FNDC3A: variants seen among roughly 807,000 people sequenced by gnomAD.
FNDC3A encodes fibronectin type-III domain-containing protein 3A.
In FNDC3A, 32 loss-of-function variants were observed where a neutral mutation model predicts 148.9. The observed-to-expected ratio is 0.21, with a 90% CI of 0.16 to 0.29. The LOEUF (loss-of-function observed/expected upper bound fraction) is 0.29, where lower values mean the gene tolerates loss of function less well. Among genes scored for constraint, FNDC3A ranks in the 10% least tolerant of loss-of-function variants. The pLI is 1.00. For synonymous variants in FNDC3A, 472 were observed against 473.6 expected, an observed-to-expected ratio of 1.00 and a Z score of 0.04; for missense variants, 1,191 against 1,452.8, an observed-to-expected ratio of 0.82 and a Z score of 2.93.
intron 3 of FNDC3A, among the ~76,000 whole-genome samples, chr13:49,082,840 T>C (rs1265927907): frequency 6.6e-6 from 1 of 152,038 alleles, no homozygotes; most frequent in East Asian, 1.9e-4. Flanking sequence ...AGGTATGTAG[T>C]GTGGCATGTA....
At chr13:49,175,215 A>G (rs1308170547) in intron 12 of FNDC3A, 152 bp from the exon 13 acceptor site, 2 of 504,430 alleles carry the variant, frequency 4.0e-6, no homozygotes, top group Non-Finnish European at 6.8e-6. Context: ...TGACCTGGTT[A>G]TCATAAAGAG....
chr13:49,062,441 T>G (rs1479656489), intron 2 of FNDC3A, among the ~76,000 whole-genome samples: 1 of 152,218 alleles, frequency 6.6e-6, no homozygotes, highest in African/African-American at 2.4e-5. Context: ...ATTCAGCCCC[T>G]GTTTATCTTT....
chr13:49,185,485 G>A (rs970410607), intron 14 of FNDC3A, among the ~76,000 whole-genome samples: 2 of 152,158 alleles, frequency 1.3e-5, no homozygotes, highest in Admixed American at 1.3e-4. Context: ...CCATAGGGAA[G>A]TTACACACAC....
intron 25 of FNDC3A, 42 bp downstream of exon 25, chr13:49,203,326 C>A: frequency 6.8e-7 from 1 of 1,469,104 alleles, no homozygotes; most frequent in Non-Finnish European, 9.3e-7. Flanking sequence ...TATTTTTACC[C>A]TTTTTTAATT....
rs1886253040 is a variant in FNDC3A, at chr13:49,198,268, A to G, written c.2774+3A>G. ...TTGCAACCAGATACAACATACAGGT[A>G]TACTCTAAAAATTATGTTGATTTTT... is the stretch of plus-strand genomic sequence containing the variant. On this transcript the variant is annotated splice_donor_region_variant and intron_variant, in intron 22 of 25. Transcript: ENST00000492622. The G allele has an allele frequency of 2.5e-6, 4 of 1,612,036 alleles. No individual in the cohort carries two copies. The highest frequency in any genetic ancestry group is 3.4e-6 in the Non-Finnish European group (4 of 1,178,906).
intron 3 of FNDC3A, 45 bp from the exon 4 acceptor site, chr13:49,114,610 G>T: frequency 7.7e-7 from 1 of 1,305,726 alleles, no homozygotes; most frequent in Non-Finnish European, 1.1e-6. Context: ...ACTTTAGCCT[G>T]ATAAGCAATC....
At chr13:49,073,718 T>C (rs1247979967) in intron 2 of FNDC3A, among the ~76,000 whole-genome samples, 1 of 146,658 alleles carries the variant, frequency 6.8e-6, no homozygotes, top group Admixed American at 6.9e-5. Context: ...TATATGTGTA[T>C]ATATAATATA....
chr13:49,146,156 C>CTT, intron 8 of FNDC3A: 1 of 446,342 alleles, frequency 2.2e-6, no homozygotes, highest in Non-Finnish European at 4.0e-6. Context: ...CCACATTCAG[C>CTT]TTTTTTTTTC....
intron 2 of FNDC3A, among the ~76,000 whole-genome samples, chr13:49,047,785 T>A (rs1365872054): frequency 6.6e-6 from 1 of 152,234 alleles, no homozygotes; most frequent in Non-Finnish European, 1.5e-5. Context: ...GTGCTGAAAC[T>A]TTTTAGTTTA....
chr13:49,196,824 A>T, intron 19 of FNDC3A, 53 bp from the exon 20 acceptor site: 1 of 891,366 alleles, frequency 1.1e-6, no homozygotes, highest in South Asian at 1.5e-5. Context: ...CTGTGCAATC[A>T]GTGGACATTT....
chr13:49,204,302 C>T (rs1886549060), intron 25 of FNDC3A, among the ~76,000 whole-genome samples: 2 of 152,128 alleles, frequency 1.3e-5, no homozygotes, highest in Non-Finnish European at 2.9e-5. Flanking sequence ...AATTAAATAC[C>T]TATACATTTC....
At chr13:48,981,780 T>G (rs1440066510) in intron 1 of FNDC3A, among the ~76,000 whole-genome samples, 1 of 152,076 alleles carries the variant, frequency 6.6e-6, no homozygotes, top group Non-Finnish European at 1.5e-5. Context: ...AAAAGTTACC[T>G]AAGTTTGGTA....
At chr13:49,053,199 G>T (rs1008899711) in intron 2 of FNDC3A, among the ~76,000 whole-genome samples, 15 of 152,218 alleles carry the variant, frequency 9.9e-5, no homozygotes, top group Admixed American at 4.6e-4. Flanking sequence ...ATTTTGGGGA[G>T]CCTGCAGTGG....
intron 19 of FNDC3A, among the ~76,000 whole-genome samples, chr13:49,194,854 GGAAA>G (rs1011745671): frequency 5.3e-4 from 81 of 151,922 alleles, no homozygotes; most frequent in African/African-American, 1.6e-3. Context: ...AAAGTTTTAT[GGAAA>G]GATTTTTTAA....
chr13:49,096,876 G>A, intron 3 of FNDC3A, among the ~76,000 whole-genome samples: 1 of 152,058 alleles, frequency 6.6e-6, no homozygotes, highest in East Asian at 1.9e-4. Flanking sequence ...AAAATATGAT[G>A]CTTGAAGAAG....
chr13:49,050,497 C>CTG (rs1182381354), intron 2 of FNDC3A, among the ~76,000 whole-genome samples: 2 of 152,084 alleles, frequency 1.3e-5, no homozygotes, highest in African/African-American at 4.8e-5. Flanking sequence ...CCACTGTGGT[C>CTG]TGAGAGAGTA....
At chr13:49,141,084 A>G (rs1007325449) in intron 7 of FNDC3A, among the ~76,000 whole-genome samples, 5 of 152,146 alleles carry the variant, frequency 3.3e-5, no homozygotes, top group African/African-American at 9.7e-5. Flanking sequence ...TATAGGGGAG[A>G]ATGTGGTACA....
intron 19 of FNDC3A, among the ~76,000 whole-genome samples, chr13:49,194,640 G>T (rs1886059845): frequency 6.6e-6 from 1 of 151,910 alleles, no homozygotes. Context: ...TTAAACATTT[G>T]ATTTTTTTTT....
chr13:48,983,431 T>C (rs1009442313), intron 1 of FNDC3A, among the ~76,000 whole-genome samples: 2 of 152,188 alleles, frequency 1.3e-5, no homozygotes, highest in Non-Finnish European at 2.9e-5. Context: ...GTAAATATTT[T>C]AGGCATTGTG....
Sources: gnomAD v4.1 joint callset for allele counts (sites outside exome capture counted in the v4.1 genomes callset) on GRCh38, gnomAD v4.1.1 for gene constraint, MANE v1.5 for transcripts, NCBI Gene and HGNC (gene_info 2026-07-23, HGNC 2026-07-21) for gene names.